Variants in CENPP observed in about 807,000 individuals in gnomAD.
CENPP encodes the protein centromere protein P.
CENPP carries 24 observed loss-of-function variants against 35.6 expected under a neutral mutation model. The observed-to-expected ratio is 0.67, with a 90% CI of 0.49 to 0.95. The LOEUF (loss-of-function observed/expected upper bound fraction) is 0.95. CENPP is among the 40% of genes least tolerant of loss of function. The pLI is 0.00. For missense variants in CENPP, 332 were observed against 345.3 expected (o/e 0.96, Z 0.31); for synonymous variants, 120 against 125.5 (o/e 0.96, Z 0.29).
intron 5 of CENPP, among the ~76,000 whole-genome samples, chr9:92,453,062 A>T (rs1350698881): frequency 1.3e-5 from 2 of 152,094 alleles, no homozygotes; most frequent in African/African-American, 4.8e-5. Context: ...TCCTGGATTC[A>T]TTAATTTTTT....
intron 5 of CENPP, chr9:92,457,454 C>G: frequency 1.2e-6 from 2 of 1,612,316 alleles, no homozygotes; most frequent in Non-Finnish European, 1.7e-6. Flanking sequence ...TACTCCCACT[C>G]TTGCAATTGA....
intron 4 of CENPP, among the ~76,000 whole-genome samples, chr9:92,365,567 C>T (rs1156787962): frequency 3.3e-5 from 5 of 151,754 alleles, no homozygotes; most frequent in African/African-American, 9.7e-5. Flanking sequence ...TCCACCACCA[C>T]GCCCTGCTAA....
intron 5 of CENPP, among the ~76,000 whole-genome samples, chr9:92,519,772 G>A (rs1346324274): frequency 2.0e-5 from 3 of 152,158 alleles, no homozygotes; most frequent in Admixed American, 6.5e-5. Context: ...ATATTTGGCA[G>A]TGGATTCTTA....
At chr9:92,570,813 G>A (rs1217320621) in intron 5 of CENPP, among the ~76,000 whole-genome samples, 2 of 152,166 alleles carry the variant, frequency 1.3e-5, no homozygotes, top group Admixed American at 6.5e-5. Flanking sequence ...TTGGGAGGGT[G>A]TATGTGTCCA....
At chr9:92,490,460 A>G (rs1236776072) in intron 5 of CENPP, among the ~76,000 whole-genome samples, 2 of 152,206 alleles carry the variant, frequency 1.3e-5, no homozygotes, top group African/African-American at 2.4e-5. Context: ...ACGTTCAACC[A>G]TGGATAGATA....
intron 5 of CENPP, among the ~76,000 whole-genome samples, chr9:92,587,366 G>A (rs1185218012): frequency 2.0e-5 from 3 of 152,206 alleles, no homozygotes; most frequent in African/African-American, 7.2e-5. Context: ...CTACTGGGGA[G>A]GCTGAGACAG....
intron 5 of CENPP, among the ~76,000 whole-genome samples, chr9:92,472,856 A>G (rs944372889): frequency 2.0e-5 from 3 of 152,166 alleles, no homozygotes; most frequent in African/African-American, 7.2e-5. Context: ...GTCTTATAGG[A>G]AGCTGGAGGT....
At position 92,485,103 on chromosome 9, in the gene CENPP, A is replaced by T. The variant is rs74442488; in HGVS notation, c.564+105244A>T. Among the ~76,000 whole-genome samples, 1,323 of 152,308 alleles carry T rather than the reference A, an allele frequency of 8.7e-3. 17 individuals are homozygous for T. The highest frequency in any genetic ancestry group is 0.03 in the African/African-American group (1,244 of 41,576). ...AAGCTTTGCCTCACATTTGCCAGAGATGGTGCAGCAGGCACGAACGTGCCA... is the reference window on the plus strand; with the variant it reads ...AAGCTTTGCCTCACATTTGCCAGAGTTGGTGCAGCAGGCACGAACGTGCCA... On this transcript the variant is annotated intron_variant, in intron 5 of 7. Coordinates refer to ENST00000375587, the MANE Select transcript of CENPP (RefSeq NM_001012267.3).
intron 5 of CENPP, among the ~76,000 whole-genome samples, chr9:92,595,214 A>G (rs1484893093): frequency 6.6e-6 from 1 of 151,980 alleles, no homozygotes; most frequent in Non-Finnish European, 1.5e-5. Context: ...CTGTTTTTCT[A>G]AGAACATGTG....
intron 5 of CENPP, among the ~76,000 whole-genome samples, chr9:92,601,110 T>C (rs1850905812): frequency 6.6e-6 from 1 of 152,178 alleles, no homozygotes; most frequent in Non-Finnish European, 1.5e-5. Context: ...GTTAGGCTAA[T>C]ATGGTTTACA....
At chr9:92,333,693 G>C (rs1173370869) in intron 2 of CENPP, among the ~76,000 whole-genome samples, 1 of 152,078 alleles carries the variant, frequency 6.6e-6, no homozygotes, top group Non-Finnish European at 1.5e-5. Context: ...GAAATATCTT[G>C]TTTTTTATTT....
At chr9:92,475,381 C>A (rs1418049793) in intron 5 of CENPP, among the ~76,000 whole-genome samples, 1 of 152,076 alleles carries the variant, frequency 6.6e-6, no homozygotes, top group African/African-American at 2.4e-5. Context: ...TGTATACTTA[C>A]AAACACTCAT....
chr9:92,496,064 C>T, intron 5 of CENPP: 1 of 1,100,550 alleles, frequency 9.1e-7, no homozygotes, highest in East Asian at 6.8e-5. Context: ...TGCATAATAT[C>T]CTATTCTAGT....
At chr9:92,457,108 A>T (rs929525388) in intron 5 of CENPP, 1 of 1,405,446 alleles carries the variant, frequency 7.1e-7, no homozygotes, top group Admixed American at 3.1e-5. Flanking sequence ...ACCCTTATGT[A>T]TCAATAGTTT....
intron 5 of CENPP, chr9:92,457,491 G>C: frequency 6.3e-7 from 1 of 1,584,464 alleles, no homozygotes; most frequent in Non-Finnish European, 8.7e-7. Flanking sequence ...ATTATCTGTT[G>C]TAGTAGGAAA....
intron 5 of CENPP, among the ~76,000 whole-genome samples, chr9:92,605,641 A>G (rs182339127): frequency 2.0e-5 from 3 of 152,328 alleles, no homozygotes; most frequent in Admixed American, 2.0e-4. Flanking sequence ...ATATATAAAA[A>G]TTAACTCAAA....
intron 7 of CENPP, among the ~76,000 whole-genome samples, 190 bp from the exon 8 acceptor site, chr9:92,612,829 A>G (rs575601208): frequency 6.6e-6 from 1 of 152,354 alleles, no homozygotes; most frequent in African/African-American, 2.4e-5. Context: ...CTGAATGCAC[A>G]GGGAATATGC....
Position 92,611,363 on chromosome 9 carries a change from C to T in CENPP, c.614C>T (p.Ser205Phe). ...CTCTCGGAGGGGCCCTCCTCCTGCT[C>T]CATGGGGATCCGCAGCGCCAGCCGG... ...VYLSEGPSSC[S>F]MGIRSASRPG... Residue 205 changes from serine (S) to phenylalanine (F), a missense_variant, in exon 6 of 8, where the codon TCC (serine) becomes TTC (phenylalanine). Physicochemically the swap from Ser to Phe is radical, Grantham distance 155. Coordinates refer to ENST00000375587, the MANE Select transcript of CENPP (RefSeq NM_001012267.3). 1 of 1,613,494 alleles carries T rather than the reference C, an allele frequency of 6.2e-7. No homozygotes were observed. Among genetic ancestry groups the T allele is most frequent in the South Asian group, 1.1e-5 (1 of 91,048 alleles).
At chr9:92,483,577 G>A (rs1177315156) in intron 5 of CENPP, among the ~76,000 whole-genome samples, 1 of 152,200 alleles carries the variant, frequency 6.6e-6, no homozygotes, top group East Asian at 1.9e-4. Context: ...TGTTGTAAGT[G>A]ACCCCAATGG....
Sources: gnomAD v4.1 joint callset for allele counts (sites outside exome capture counted in the v4.1 genomes callset) on GRCh38, gnomAD v4.1.1 for gene constraint, MANE v1.5 for transcripts, NCBI Gene and HGNC (gene_info 2026-07-23, HGNC 2026-07-21) for gene names.